TBCD: variants seen among roughly 807,000 people sequenced by gnomAD.
TBCD encodes the protein tubulin-specific chaperone D.
TBCD carries 105 observed loss-of-function variants against 169.3 expected under a neutral mutation model. The observed-to-expected ratio is 0.62, with a 90% CI of 0.53 to 0.73. TBCD has a LOEUF of 0.73. Ranked by LOEUF, TBCD falls within the 30% of genes least tolerant of loss-of-function variation. The probability of loss-of-function intolerance (pLI) is 0.00; values close to 1 mark genes in which losing one functional copy is unlikely to be tolerated. For synonymous variants in TBCD, 700 were observed against 643.9 expected, an observed-to-expected ratio of 1.09 and a Z score of -1.32; for missense variants, 1,444 against 1,600.1, an observed-to-expected ratio of 0.90 and a Z score of 1.66.
In TBCD at chr17:82,912,388, G is replaced by A. The variant is rs147878576; in HGVS notation, c.2038+599G>A. 7.6e-3 allele frequency among the ~76,000 whole-genome samples: 1,144 copies of A among 151,274 alleles called. 6 individuals are homozygous for A. The highest frequency in any genetic ancestry group is 0.012 in the Non-Finnish European group (828 of 67,562). On this transcript the variant is annotated intron_variant, in intron 23 of 38. Coordinates refer to ENST00000355528, the MANE Select transcript of TBCD (RefSeq NM_005993.5). Reference sequence around the variant, plus strand: ...TTCTTTTTTAGCATGTGAGGAGGAGGGAAGCGTAGAACACATTTTAGACTG... The same window carrying A: ...TTCTTTTTTAGCATGTGAGGAGGAGAGAAGCGTAGAACACATTTTAGACTG...
Position 82,929,245 on chromosome 17 carries a change from A to G in TBCD, c.2826A>G (p.Arg942=). Residue 942 remains arginine (R), a synonymous_variant, in exon 31 of 39, where the codon CGA becomes CGG. Transcript: ENST00000355528. ...CTCCCATCCCCCACGTGCCCCACCG[A>G]GGAGAACTGGAAAAGCTGTTTCCCA... is the stretch of plus-strand genomic sequence containing the variant. The part of the protein sequence containing the change: ...DSPPIPHVPH[R]GELEKLFPRS... 1 of 1,613,726 alleles carries G rather than the reference A, an allele frequency of 6.2e-7. No homozygotes were observed. Among genetic ancestry groups the G allele is most frequent in the Non-Finnish European group, 8.5e-7 (1 of 1,179,810 alleles).
At chr17:82,819,178 C>A (rs1481315580) in intron 13 of TBCD, among the ~76,000 whole-genome samples, 1 of 152,098 alleles carries the variant, frequency 6.6e-6, no homozygotes, top group African/African-American at 2.4e-5. Context: ...AAATGTGGAG[C>A]TTCATTGGTG....
intron 6 of TBCD, among the ~76,000 whole-genome samples, chr17:82,773,292 G>A (rs1032328258): frequency 7.9e-5 from 12 of 152,138 alleles, no homozygotes; most frequent in African/African-American, 2.7e-4. Flanking sequence ...GAGGAGAGAA[G>A]CTTCCTTTGT....
intron 15 of TBCD, among the ~76,000 whole-genome samples, chr17:82,887,665 T>C (rs1477814487): frequency 2.6e-5 from 4 of 152,150 alleles, no homozygotes; most frequent in Non-Finnish European, 5.9e-5. Context: ...TAGTTGGACA[T>C]TTAAACTGCT....
At chr17:82,837,351 C>A (rs2054078465) in intron 13 of TBCD, among the ~76,000 whole-genome samples, 1 of 152,160 alleles carries the variant, frequency 6.6e-6, no homozygotes, top group Admixed American at 6.5e-5. Context: ...CTGGCAGCTG[C>A]TGGTGTTAAA....
At chr17:82,893,688 C>A in intron 17 of TBCD, 56 bp downstream of exon 17, 1 of 1,265,340 alleles carries the variant, frequency 7.9e-7, no homozygotes, top group Non-Finnish European at 1.1e-6. Context: ...GATTGGATGT[C>A]AGAAATCAGC....
rs561969315 is a variant in TBCD, at chr17:82,944,804, C to T, written c.*2341C>T. 15 of 152,306 alleles carry T rather than the reference C, an allele frequency of 9.8e-5. No individual in the cohort carries two copies. The highest frequency in any genetic ancestry group is 3.4e-3 in the Middle Eastern group (1 of 294). The allele number at this position is 152,306 out of a possible 1,614,324, so 9.4% of individuals were successfully genotyped here. On this transcript the variant is annotated 3_prime_UTR_variant, in exon 39 of 39. Transcript: ENST00000355528. ...TCTGCTGAGCCCTGGAATCTAGTCA[C>T]GCTATTTTGATAGCAGAATGGATGA...
At chr17:82,786,917 C>T (rs1180114862) in intron 7 of TBCD, among the ~76,000 whole-genome samples, 2 of 125,118 alleles carry the variant, frequency 1.6e-5, no homozygotes, top group Non-Finnish European at 3.2e-5. Context: ...ACGTGTTGCA[C>T]AGCCTGCATT....
In TBCD at chr17:82,912,084, G is replaced by C. The variant is rs188446227; in HGVS notation, c.2038+295G>C. On this transcript the variant is annotated intron_variant, in intron 23 of 38. Coordinates refer to ENST00000355528, the MANE Select transcript of TBCD (RefSeq NM_005993.5). The stretch of plus-strand genomic sequence containing the variant: ...AGGAAGCAGAGGCAGCTGGGGCAGT[G>C]GGGCCAGTGCTTGCCTGTGGACCCA... Among the ~76,000 whole-genome samples the C allele has an allele frequency of 6.2e-3, 939 of 152,364 alleles. 5 individuals carry two copies. Among genetic ancestry groups the C allele is most frequent in the African/African-American group, 0.022 (898 of 41,578 alleles).
chr17:82,930,395 A>G lies in TBCD; in HGVS notation c.2992-127A>G. ...GCGTCCGCACCAGCCGCTTGGGGCC[A>G]GACCTTCGCGTCTCTGCAGCTCGGA... On this transcript the variant is annotated intron_variant, in intron 32 of 38. Transcript: ENST00000355528. This position sits in a 1 kb window ranked among gnomAD's most constrained non-coding sequence, Gnocchi z 5.2. 1 of 1,388,448 alleles carries G rather than the reference A, an allele frequency of 7.2e-7. No individual in the cohort carries two copies. Among genetic ancestry groups the G allele is most frequent in the Admixed American group, 2.5e-5 (1 of 39,706 alleles). The allele number at this position is 1,388,448 out of a possible 1,614,324, so 86.0% of individuals were successfully genotyped here. A position where few individuals can be genotyped will look rare whatever the true frequency, so the allele number is the denominator to read the frequency against.
At chr17:82,900,629 C>CTCT (rs1567992338) in intron 17 of TBCD, 22 bp from the exon 18 acceptor site, 1 of 1,607,360 alleles carries the variant, frequency 6.2e-7, no homozygotes, top group South Asian at 1.1e-5. Context: ...GTCTCACCAC[C>CTCT]TCTCCATGCT....
At chr17:82,940,690 C>G (rs1436592619) in intron 37 of TBCD, among the ~76,000 whole-genome samples, 1 of 152,222 alleles carries the variant, frequency 6.6e-6, no homozygotes, top group Non-Finnish European at 1.5e-5. Flanking sequence ...GGGCTGTCTT[C>G]TCAACATGCG....
At chr17:82,925,643 G>A (rs1287231186) in intron 27 of TBCD, among the ~76,000 whole-genome samples, 1 of 152,212 alleles carries the variant, frequency 6.6e-6, no homozygotes, top group Non-Finnish European at 1.5e-5. Flanking sequence ...TGGCACTTCA[G>A]GATCTGCAGC....
chr17:82,764,328 A>G (rs1322225485), intron 3 of TBCD, among the ~76,000 whole-genome samples: 2 of 152,166 alleles, frequency 1.3e-5, no homozygotes, highest in African/African-American at 4.8e-5. Context: ...TGGAGATGAG[A>G]CTAAATCAGA....
chr17:82,925,160 C>T, intron 27 of TBCD, 103 bp downstream of exon 27: 1 of 920,628 alleles, frequency 1.1e-6, no homozygotes, highest in East Asian at 2.7e-5. Context: ...CCCATCAGTG[C>T]TTGTAGCTGG....
At chr17:82,931,295 G>A (rs998443901) in intron 33 of TBCD, among the ~76,000 whole-genome samples, 1 of 152,170 alleles carries the variant, frequency 6.6e-6, no homozygotes, top group African/African-American at 2.4e-5. Context: ...TTCTCGTTAC[G>A]ACTATAATCA....
At chr17:82,933,108 C>T (rs1365905654) in intron 34 of TBCD, among the ~76,000 whole-genome samples, 5 of 152,004 alleles carry the variant, frequency 3.3e-5, no homozygotes. Context: ...GGGGAGAGGG[C>T]AGAGGCCGGT....
Position 82,929,503 on chromosome 17 carries a change from G to A in TBCD, c.2991+3G>A. ...TGGGCGGCTTGACGGAGTCGACGGT[G>A]AGGAGGCGTCGGGCTGGCTGGGGCA... is the stretch of plus-strand genomic sequence containing the variant. On this transcript the variant is annotated splice_donor_region_variant and intron_variant, in intron 32 of 38. Transcript: ENST00000355528. 1 of 1,604,540 alleles carries A rather than the reference G, an allele frequency of 6.2e-7. No homozygotes were observed. The highest frequency in any genetic ancestry group is 8.5e-7 in the Non-Finnish European group (1 of 1,179,838).
At chr17:82,863,015 C>A (rs1272386491) in intron 13 of TBCD, among the ~76,000 whole-genome samples, 1 of 152,214 alleles carries the variant, frequency 6.6e-6, no homozygotes, top group Non-Finnish European at 1.5e-5. Context: ...ATGTAGCCGT[C>A]CGCCTTTTGT....
Sources: gnomAD v4.1 joint callset for allele counts (sites outside exome capture counted in the v4.1 genomes callset) on GRCh38, gnomAD v4.1.1 for gene constraint, Gnocchi (gnomAD v3.1) non-coding constraint, MANE v1.5 for transcripts, NCBI Gene and HGNC (gene_info 2026-07-23, HGNC 2026-07-21) for gene names.